Variants in PLCL2 observed in about 807,000 individuals in gnomAD.
PLCL2 encodes phospholipase C like 2.
In PLCL2, 4 loss-of-function variants were observed where a neutral mutation model predicts 79.6. The observed-to-expected ratio is 0.05, with a 90% CI of 0.02 to 0.11. PLCL2 has a LOEUF of 0.11. PLCL2 is among the 10% of genes least tolerant of loss of function. The pLI, the probability that PLCL2 is intolerant of heterozygous loss-of-function variation, is 1.00. For missense variants in PLCL2, 895 were observed against 1,291.0 expected (o/e 0.69, Z 4.70); for synonymous variants, 484 against 457.7 (o/e 1.06, Z -0.73).
chr3:17,047,732 C>CTTA (rs2064795824), intron 4 of PLCL2, among the ~76,000 whole-genome samples: 1 of 152,148 alleles, frequency 6.6e-6, no homozygotes, highest in Non-Finnish European at 1.5e-5. Context: ...CAGTTTAATG[C>CTTA]AGTGATTTCT....
intron 1 of PLCL2, among the ~76,000 whole-genome samples, chr3:17,001,042 C>CAGT (rs1032654272): frequency 4.0e-5 from 6 of 151,398 alleles, no homozygotes; most frequent in African/African-American, 1.5e-4. Flanking sequence ...TTTCCACTAA[C>CAGT]AGTATACCTT....
chr3:16,968,413 T>G (rs2063826630), intron 1 of PLCL2, among the ~76,000 whole-genome samples: 1 of 152,148 alleles, frequency 6.6e-6, no homozygotes, highest in Admixed American at 6.6e-5. Context: ...CATGGAATGT[T>G]TTTCCATTTG....
chr3:16,955,105 A>T (rs565149796), intron 1 of PLCL2, among the ~76,000 whole-genome samples: 2 of 152,192 alleles, frequency 1.3e-5, no homozygotes, highest in Admixed American at 6.5e-5. Context: ...CTTGCACATG[A>T]CTACGTCCTG....
intron 1 of PLCL2, among the ~76,000 whole-genome samples, chr3:16,894,642 G>T (rs971639293): frequency 3.3e-5 from 5 of 152,058 alleles, no homozygotes; most frequent in Admixed American, 2.6e-4. Context: ...TGTAACTATT[G>T]TGACGGTTAT....
chr3:16,965,972 A>G (rs573618128), intron 1 of PLCL2, among the ~76,000 whole-genome samples: 4 of 152,300 alleles, frequency 2.6e-5, no homozygotes, highest in African/African-American at 9.6e-5. Context: ...AACAGGGACA[A>G]TTTGACTTCC....
intron 1 of PLCL2, among the ~76,000 whole-genome samples, chr3:16,966,481 T>C (rs897807575): frequency 2.6e-5 from 4 of 152,116 alleles, no homozygotes; most frequent in Non-Finnish European, 5.9e-5. Flanking sequence ...AAAATTCTCT[T>C]TTTTTGTTGT....
In PLCL2 at chr3:17,010,266, A is replaced by G. The variant is rs757093414; in HGVS notation, c.920A>G (p.Lys307Arg). 31 of 1,613,914 alleles carry G rather than the reference A, an allele frequency of 1.9e-5. No homozygotes were observed. The highest frequency in any genetic ancestry group is 1.6e-4 in the Middle Eastern group (1 of 6,080). ...RNLNPGLKTS[K>R]IELKFKELHK... Reference sequence around the variant, plus strand: ...CTCAATCCTGGTTTAAAAACGAGCAAAATTGAGCTTAAGTTCAAAGAATTG... The same window carrying G: ...CTCAATCCTGGTTTAAAAACGAGCAGAATTGAGCTTAAGTTCAAAGAATTG... The change falls in exon 2 of 6, where the codon AAA (lysine) becomes AGA (arginine). Residue 307 changes from lysine to arginine, a missense_variant. Transcript: ENST00000615277. The surrounding 1 kb of genome is among the most constrained non-coding windows in gnomAD (Gnocchi z 5.8).
intron 5 of PLCL2, among the ~76,000 whole-genome samples, chr3:17,080,434 G>A (rs954142679): frequency 4.6e-5 from 7 of 152,092 alleles, no homozygotes; most frequent in African/African-American, 1.7e-4. Flanking sequence ...CCGTAGCCAA[G>A]ACTCCTACAA....
rs749966651 is a variant in PLCL2 at position 17,011,324 on chromosome 3, A to G, written c.1978A>G (p.Asn660Asp). The change falls in exon 2 of 6, where the codon AAT becomes GAT. Residue 660 changes from asparagine (N) to aspartate (D), a missense_variant. Around this residue, in one of 6 missense-constraint regions of PLCL2, gnomAD observed 242 missense variants for 399.5 expected, o/e 0.61. Transcript: ENST00000615277. The surrounding 1 kb of genome is among the most constrained non-coding windows in gnomAD (Gnocchi z 7.9). ...GCTTGCCAGCAAGTACGCCAATGAA[A>G]ATCCAGGGGACTTTGTAAATTACAA... ...EVLASKYANE[N>D]PGDFVNYNKR... The G allele has an allele frequency of 1.2e-6, 2 of 1,614,202 alleles. No individual in the cohort carries two copies. The highest frequency in any genetic ancestry group is 4.5e-5 in the East Asian group (2 of 44,886).
At chr3:16,935,918 C>G (rs928121870) in intron 1 of PLCL2, among the ~76,000 whole-genome samples, 1 of 152,156 alleles carries the variant, frequency 6.6e-6, no homozygotes, top group African/African-American at 2.4e-5. Flanking sequence ...TGTAGTGCAA[C>G]CTGCATTTCA....
intron 4 of PLCL2, among the ~76,000 whole-genome samples, chr3:17,065,648 A>G (rs1031283452): frequency 6.6e-6 from 1 of 152,124 alleles, no homozygotes; most frequent in Non-Finnish European, 1.5e-5. Flanking sequence ...AAAATCCCCC[A>G]CTATTATTGT....
chr3:16,914,223 T>C (rs1182430674), intron 1 of PLCL2, among the ~76,000 whole-genome samples: 1 of 152,170 alleles, frequency 6.6e-6, no homozygotes, highest in Non-Finnish European at 1.5e-5. Flanking sequence ...ACATAGATCT[T>C]AATATAGTCT....
intron 1 of PLCL2, among the ~76,000 whole-genome samples, chr3:16,946,243 G>A (rs572010190): frequency 1.4e-4 from 21 of 152,210 alleles, no homozygotes; most frequent in Admixed American, 1.2e-3. Context: ...AGGAGGCAGC[G>A]GAGAGCGCAC....
chr3:16,958,025 T>A (rs1263170526), intron 1 of PLCL2, among the ~76,000 whole-genome samples: 1 of 152,244 alleles, frequency 6.6e-6, no homozygotes, highest in African/African-American at 2.4e-5. Flanking sequence ...GCAGTCCATT[T>A]ACATTTAAAG....
intron 5 of PLCL2, chr3:17,081,539 T>C: frequency 8.7e-6 from 2 of 228,624 alleles, no homozygotes; most frequent in South Asian, 1.2e-4. Context: ...CAATGACTTG[T>C]GATTGTTAAA....
Position 16,951,914 on chromosome 3 carries a change from A to G in PLCL2, c.328-57760A>G, listed in dbSNP as rs1006005738. The stretch of plus-strand genomic sequence containing the variant: ...CTAATACAAGATCTTTTTTTTGTGA[A>G]TATACAAAAAATTAAAGCTTAGTAA... On this transcript the variant is annotated intron_variant, in intron 1 of 5. Coordinates refer to ENST00000615277, the MANE Select transcript of PLCL2 (RefSeq NM_001144382.2). 5.4e-4 allele frequency among the ~76,000 whole-genome samples: 82 copies of G among 151,664 alleles called. 3 individuals are homozygous for G. Among genetic ancestry groups the G allele is most frequent in the Non-Finnish European group, 1.1e-3 (73 of 67,976 alleles).
At chr3:16,977,114 G>A (rs1343647683) in intron 1 of PLCL2, among the ~76,000 whole-genome samples, 5 of 149,776 alleles carry the variant, frequency 3.3e-5, no homozygotes, top group East Asian at 3.9e-4. Flanking sequence ...CATTGAATAC[G>A]CACACACACA....
At chr3:16,949,216 C>T (rs896450845) in intron 1 of PLCL2, among the ~76,000 whole-genome samples, 1 of 152,072 alleles carries the variant, frequency 6.6e-6, no homozygotes, top group Non-Finnish European at 1.5e-5. Context: ...GATAGAATTG[C>T]TGGGTAGAAG....
intron 1 of PLCL2, among the ~76,000 whole-genome samples, chr3:16,896,103 T>C (rs991249705): frequency 2.6e-5 from 4 of 152,204 alleles, no homozygotes; most frequent in African/African-American, 9.7e-5. Context: ...CTGCAACAAA[T>C]TAAGTTTATT....
Sources: gnomAD v4.1 joint callset for allele counts (sites outside exome capture counted in the v4.1 genomes callset) on GRCh38, gnomAD v4.1.1 for gene constraint, gnomAD v4.1.1 regional missense constraint, Gnocchi (gnomAD v3.1) non-coding constraint, MANE v1.5 for transcripts, NCBI Gene and HGNC (gene_info 2026-07-23, HGNC 2026-07-21) for gene names.